TENM1: variants seen among roughly 807,000 people sequenced by gnomAD.
TENM1 encodes the protein teneurin-1.
Under a neutral mutation model 174.8 loss-of-function variants are expected in TENM1, and 35 were observed. The ratio of observed to expected loss-of-function variants is 0.20; its 90% CI spans 0.15 to 0.27. The LOEUF is 0.27. Ranked by LOEUF, TENM1 falls within the 10% of genes least tolerant of loss-of-function variation. TENM1 has a pLI of 1.00. For synonymous variants in TENM1, 781 were observed against 798.7 expected, an observed-to-expected ratio of 0.98 and a Z score of 0.37; for missense variants, 1,633 against 2,130.1, an observed-to-expected ratio of 0.77 and a Z score of 4.59.
intron 11 of TENM1, among the ~76,000 whole-genome samples, chrX:124,596,437 G>T (rs1369355473): frequency 1.8e-5 from 2 of 111,924 alleles, no homozygotes; most frequent in Non-Finnish European, 3.8e-5. Flanking sequence ...CCTTTATGGA[G>T]CATGGAATCT....
At chrX:124,486,842 T>C (rs1640652298) in intron 21 of TENM1, among the ~76,000 whole-genome samples, 1 of 112,019 alleles carries the variant, frequency 8.9e-6, no homozygotes, top group Non-Finnish European at 1.9e-5. Flanking sequence ...GGGAGATTGC[T>C]GTATTACCTC....
chrX:124,787,181 A>G (rs187647803), intron 3 of TENM1, among the ~76,000 whole-genome samples: 17 of 111,884 alleles, frequency 1.5e-4, no homozygotes, highest in Non-Finnish European at 1.9e-4. Context: ...GCAGAGGCAT[A>G]TTAATTGGAA....
intron 3 of TENM1, among the ~76,000 whole-genome samples, chrX:124,840,729 T>G (rs1201933722): frequency 8.9e-6 from 1 of 112,055 alleles, no homozygotes; most frequent in African/African-American, 3.2e-5. Flanking sequence ...CAGATCCTGC[T>G]TAAAATATGT....
At chrX:124,530,607 A>G (rs933807180) in intron 15 of TENM1, among the ~76,000 whole-genome samples, 2 of 111,686 alleles carry the variant, frequency 1.8e-5, no homozygotes, top group African/African-American at 6.5e-5. Context: ...CTCCTGATAT[A>G]CACTGCTAAA....
rs748893683 is a variant in TENM1, at chrX:124,782,039, C to A, written c.536-44842G>T. Among the ~76,000 whole-genome samples, 5 of 111,054 alleles carry A rather than the reference C, an allele frequency of 4.5e-5. No homozygotes were observed. In the East Asian group the frequency reaches 1.4e-3, roughly 32 times the overall value. Reference sequence around the variant, plus strand: ...GGTCTGGTCAATAAAATCTTCCACTCATGATCTTTGCTCTCCTCCTTTCCT... The same window carrying A: ...GGTCTGGTCAATAAAATCTTCCACTAATGATCTTTGCTCTCCTCCTTTCCT... On this transcript the variant is annotated intron_variant, in intron 3 of 31. Coordinates refer to ENST00000422452, the Ensembl canonical transcript of TENM1.
chrX:125,201,998 C>T, the TENM1 span, among the ~76,000 whole-genome samples: 1 of 111,207 alleles, frequency 9.0e-6, no homozygotes, highest in African/African-American at 3.3e-5. Context: ...CAAGCAGATG[C>T]TGGGTAATCA....
chrX:124,451,553 C>T (rs530996051), intron 23 of TENM1, among the ~76,000 whole-genome samples: 10 of 111,810 alleles, frequency 8.9e-5, no homozygotes, highest in African/African-American at 1.3e-4. Context: ...AAAAAGAGCC[C>T]GCATTGTCAA....
At chrX:125,116,173 T>C in the TENM1 span, among the ~76,000 whole-genome samples, 2 of 111,733 alleles carry the variant, frequency 1.8e-5, no homozygotes, top group African/African-American at 6.5e-5. Context: ...GTTGGGAAAA[T>C]TGGCTAGCCA....
At chrX:124,663,639 C>A (rs1034820710) in intron 6 of TENM1, among the ~76,000 whole-genome samples, 13 of 111,604 alleles carry the variant, frequency 1.2e-4, no homozygotes, top group African/African-American at 3.3e-4. Flanking sequence ...GGAGGATAAA[C>A]ATGGCATTCT....
At chrX:124,846,291 C>T (rs2056606626) in intron 3 of TENM1, among the ~76,000 whole-genome samples, 2 of 110,406 alleles carry the variant, frequency 1.8e-5, no homozygotes, top group Admixed American at 1.9e-4. Flanking sequence ...ATTTATTTCC[C>T]AATAAACTTG....
intron 11 of TENM1, among the ~76,000 whole-genome samples, chrX:124,591,018 A>C (rs1187364299): frequency 8.9e-6 from 1 of 112,031 alleles, no homozygotes; most frequent in Non-Finnish European, 1.9e-5. Context: ...TCGTTGGCTT[A>C]AAGTCTGTTT....
At chrX:124,616,991 G>A (rs2050413117) in intron 11 of TENM1, among the ~76,000 whole-genome samples, 1 of 112,052 alleles carries the variant, frequency 8.9e-6, no homozygotes, top group Non-Finnish European at 1.9e-5. Context: ...ACAAGGGTAA[G>A]TGATCTTTAG....
rs184003621 is a variant in TENM1, at chrX:124,644,453, T to C, written c.1876+690A>G. Among the ~76,000 whole-genome samples, 118 of 110,052 alleles carry C rather than the reference T, an allele frequency of 1.1e-3. 1 individual carries two copies. The highest frequency in any genetic ancestry group is 3.2e-3 in the African/African-American group (98 of 30,263). ...CATGGTAATGGTTTAATATTATTTC[T>C]GAAATCAGTCTTGTTTGAGGAATGT... On this transcript the variant is annotated intron_variant, in intron 10 of 31. Transcript: ENST00000422452.
At chrX:125,160,202 A>G in the TENM1 span, among the ~76,000 whole-genome samples, 1 of 100,149 alleles carries the variant, frequency 1.0e-5, no homozygotes, top group Non-Finnish European at 2.0e-5. Context: ...CTCCACCATC[A>G]ATGAAAAAAA....
intron 3 of TENM1, among the ~76,000 whole-genome samples, chrX:124,767,585 T>C (rs2054564452): frequency 1.8e-5 from 2 of 111,706 alleles, no homozygotes; most frequent in South Asian, 7.4e-4. Flanking sequence ...GAAGGCTTTA[T>C]TGTTCTTTAC....
At chrX:124,505,300 C>T (rs2047421583) in intron 18 of TENM1, among the ~76,000 whole-genome samples, 1 of 111,825 alleles carries the variant, frequency 8.9e-6, no homozygotes, top group Non-Finnish European at 1.9e-5. Context: ...CTCAACCAAG[C>T]GTTATTAGCA....
chrX:124,738,602 G>C (rs192995371), intron 3 of TENM1, among the ~76,000 whole-genome samples: 17 of 111,508 alleles, frequency 1.5e-4, no homozygotes, highest in Non-Finnish European at 7.5e-5. Context: ...TATTTTAAAA[G>C]AACTAAAATG....
the TENM1 span, among the ~76,000 whole-genome samples, chrX:125,159,952 C>A: frequency 6.4e-5 from 7 of 109,988 alleles, no homozygotes; most frequent in South Asian, 1.6e-3. Context: ...GTAATCCTAG[C>A]GCTTTGGGAG....
the TENM1 span, among the ~76,000 whole-genome samples, chrX:125,051,534 A>T: frequency 9.0e-6 from 1 of 110,709 alleles, no homozygotes; most frequent in African/African-American, 3.3e-5. Context: ...CTCAGAAATA[A>T]CGCTGTATAT....
Sources: gnomAD v4.1 joint callset for allele counts (sites outside exome capture counted in the v4.1 genomes callset) on GRCh38, gnomAD v4.1.1 for gene constraint, MANE v1.5 for transcripts, NCBI Gene and HGNC (gene_info 2026-07-23, HGNC 2026-07-21) for gene names.